SNX8: variants seen among roughly 807,000 people sequenced by gnomAD.
SNX8 encodes the protein sorting nexin 8, also known as sorting nexin-8.
In SNX8, 25 loss-of-function variants were observed where a neutral mutation model predicts 51.6. That is an observed-to-expected ratio of 0.48 (90% CI 0.35 to 0.68). SNX8 has a LOEUF of 0.68. Ranked by LOEUF, SNX8 falls within the 30% of genes least tolerant of loss-of-function variation. SNX8 has a pLI of 0.00. For synonymous variants in SNX8, 324 were observed against 277.0 expected, an observed-to-expected ratio of 1.17 and a Z score of -1.68; for missense variants, 695 against 624.0, an observed-to-expected ratio of 1.11 and a Z score of -1.21.
At chr7:2,286,017 T>C (rs1796019562) in intron 1 of SNX8, among the ~76,000 whole-genome samples, 1 of 150,498 alleles carries the variant, frequency 6.6e-6, no homozygotes, top group South Asian at 2.1e-4. Context: ...CTTTTTTTTT[T>C]TTTTTCTTTT....
At chr7:2,258,087 T>C (rs1478281316) in intron 7 of SNX8, among the ~76,000 whole-genome samples, 2 of 148,116 alleles carry the variant, frequency 1.4e-5, no homozygotes, top group Non-Finnish European at 3.0e-5. Context: ...CTCGGCTCAC[T>C]GCAAGCTCCG....
chr7:2,325,951 C>T (rs919063008), intron 1 of SNX8, among the ~76,000 whole-genome samples: 1 of 152,168 alleles, frequency 6.6e-6, no homozygotes, highest in African/African-American at 2.4e-5. Context: ...GGGAATGTAT[C>T]TTTGAATTAT....
chr7:2,302,578 AG>A (rs1470399083), intron 1 of SNX8, among the ~76,000 whole-genome samples: 1 of 140,130 alleles, frequency 7.1e-6, no homozygotes, highest in Admixed American at 7.1e-5. Flanking sequence ...CTGGGATGTG[AG>A]GAGCCCTTCT....
chr7:2,327,430 C>T (rs1451146010), intron 1 of SNX8, among the ~76,000 whole-genome samples: 3 of 149,708 alleles, frequency 2.0e-5, no homozygotes, highest in East Asian at 2.0e-4. Context: ...TTTTTGGAAA[C>T]GGAGTCTCGC....
chr7:2,298,679 GTTTTGT>G (rs1200308792), intron 1 of SNX8, among the ~76,000 whole-genome samples: 9 of 147,532 alleles, frequency 6.1e-5, no homozygotes, highest in African/African-American at 2.3e-4. Flanking sequence ...CTGGGTTTTG[GTTTTGT>G]TTTTGTTTTT....
chr7:2,314,458 A>T, upstream of SNX8: 2 of 1,198,864 alleles, frequency 1.7e-6, no homozygotes, highest in Non-Finnish European at 2.1e-6. Flanking sequence ...CTCCCGCGCC[A>T]CCCGGCCGCG....
At chr7:2,321,502 C>G (rs1267211001) in intron 1 of SNX8, among the ~76,000 whole-genome samples, 1 of 150,428 alleles carries the variant, frequency 6.6e-6, no homozygotes, top group African/African-American at 2.5e-5. Context: ...TCTCAGCTCA[C>G]TGCAAGCTCC....
chr7:2,253,847 T>A lies in SNX8; in HGVS notation c.*1209A>T, dbSNP rs1239142020. On this transcript the variant is annotated 3_prime_UTR_variant, in exon 11 of 11. Coordinates refer to ENST00000222990, the MANE Select transcript of SNX8 (RefSeq NM_013321.4). Reference sequence around the variant, plus strand: ...GAGGAGTGAACGCCCCAGAGGCCAGTGAGCATCTGCGGAGCGGAGGGACCT... The same window carrying A: ...GAGGAGTGAACGCCCCAGAGGCCAGAGAGCATCTGCGGAGCGGAGGGACCT... The A allele has an allele frequency of 6.6e-6, 1 of 152,234 alleles. No homozygotes were observed. Among genetic ancestry groups the A allele is most frequent in the African/African-American group, 2.4e-5 (1 of 41,436 alleles). The allele number at this position is 152,234 out of a possible 1,614,324, so 9.4% of individuals were successfully genotyped here. A position where few individuals can be genotyped will look rare whatever the true frequency, so the allele number is the denominator to read the frequency against.
At chr7:2,309,686 G>A (rs1247130024) in intron 1 of SNX8, 7 of 417,314 alleles carry the variant, frequency 1.7e-5, no homozygotes, top group African/African-American at 6.3e-5. Context: ...AGCCGAGATC[G>A]CGCCATCGCA....
rs1484023024 is a variant in SNX8, at chr7:2,257,817, G to C, written c.916-14C>G. ...TTCCTGCTTACCCTGGAAGGCGAGG[G>C]GGAGCTCACCCACGCGGACGCACAT... On this transcript the variant is annotated splice_polypyrimidine_tract_variant and intron_variant, in intron 7 of 10. Transcript: ENST00000222990. 3 of 1,613,412 alleles carry C rather than the reference G, an allele frequency of 1.9e-6. No individual in the cohort carries two copies. The highest frequency in any genetic ancestry group is 2.5e-6 in the Non-Finnish European group (3 of 1,179,686).
chr7:2,321,495 C>T (rs1467153511), intron 1 of SNX8, among the ~76,000 whole-genome samples: 1 of 148,736 alleles, frequency 6.7e-6, no homozygotes, highest in Admixed American at 6.8e-5. Context: ...GGCGTGATCT[C>T]AGCTCACTGC....
intron 1 of SNX8, among the ~76,000 whole-genome samples, chr7:2,323,309 G>A (rs1366778563): frequency 4.1e-5 from 5 of 123,060 alleles, no homozygotes; most frequent in Non-Finnish European, 6.4e-5. Context: ...CAGCCAGGGC[G>A]ACAGAGTGAG....
At chr7:2,284,405 T>C (rs1469458062) in intron 1 of SNX8, among the ~76,000 whole-genome samples, 1 of 141,664 alleles carries the variant, frequency 7.1e-6, no homozygotes, top group African/African-American at 2.6e-5. Context: ...CCTTTTTTTT[T>C]TTTTTTTTTT....
chr7:2,331,364 T>C (rs1381290895), intron 1 of SNX8, among the ~76,000 whole-genome samples: 1 of 151,838 alleles, frequency 6.6e-6, no homozygotes, highest in Non-Finnish European at 1.5e-5. Flanking sequence ...TATTTCTATA[T>C]ACTAGCGATG....
chr7:2,269,668 C>A, intron 4 of SNX8, 29 bp from the exon 5 acceptor site: 1 of 1,507,470 alleles, frequency 6.6e-7, no homozygotes, highest in Non-Finnish European at 9.0e-7. Context: ...CAGCTTCACC[C>A]TCTTCTACTA....
chr7:2,340,211 C>T (rs191884148), intron 1 of SNX8, among the ~76,000 whole-genome samples: 12 of 151,620 alleles, frequency 7.9e-5, no homozygotes, highest in East Asian at 1.9e-4. Context: ...TACAGGCATG[C>T]GCCACCATGC....
chr7:2,272,051 C>T, intron 3 of SNX8, 80 bp from the exon 4 acceptor site: 1 of 1,585,156 alleles, frequency 6.3e-7, no homozygotes. Context: ...TCTCAAAACT[C>T]TCCCTAGAGG....
intron 1 of SNX8, among the ~76,000 whole-genome samples, chr7:2,329,328 A>G (rs968376407): frequency 2.6e-5 from 4 of 152,046 alleles, no homozygotes; most frequent in African/African-American, 9.6e-5. Flanking sequence ...AAAATTTAAA[A>G]AAAAGGTAAT....
chr7:2,285,173 C>G (rs1045457641), intron 1 of SNX8, among the ~76,000 whole-genome samples: 1 of 144,532 alleles, frequency 6.9e-6, no homozygotes, highest in African/African-American at 2.6e-5. Context: ...GATGGCGCCA[C>G]TGCACTCCAG....
Sources: gnomAD v4.1 joint callset for allele counts (sites outside exome capture counted in the v4.1 genomes callset) on GRCh38, gnomAD v4.1.1 for gene constraint, MANE v1.5 for transcripts, NCBI Gene and HGNC (gene_info 2026-07-23, HGNC 2026-07-21) for gene names.